C16orf78: variants seen among roughly 807,000 people sequenced by gnomAD.
C16orf78 encodes chromosome 16 open reading frame 78.
In C16orf78, 19 loss-of-function variants were observed where a neutral mutation model predicts 27.3. The observed-to-expected ratio is 0.70, with a 90% confidence interval of 0.49 to 1.02. The LOEUF (loss-of-function observed/expected upper bound fraction) is 1.02. Ranked by LOEUF, C16orf78 falls within the 50% of genes least tolerant of loss-of-function variation. C16orf78 has a pLI of 0.00. For synonymous variants in C16orf78, 130 were observed against 116.1 expected (o/e 1.12, Z -0.77); for missense variants, 339 against 337.0 (o/e 1.01, Z -0.05).
chr16:49,390,231 G>A (rs575333744), intron 3 of C16orf78, among the ~76,000 whole-genome samples: 3 of 152,158 alleles, frequency 2.0e-5, no homozygotes, highest in East Asian at 3.9e-4. Context: ...TATTTCTTGG[G>A]TTTGTATTTG....
At position 49,399,216 on chromosome 16, in the gene C16orf78, A is replaced by G. The variant is rs1965511652; in HGVS notation, c.736A>G (p.Met246Val). ...AGMNVDIHPH[M>V]VEEDIDAKKV... is the part of the protein sequence containing the mutation. Reference sequence around the variant, plus strand: ...AATGAATGTGGATATCCACCCCCACATGGTCGAAGAGGACATAGATGCTAA... The same window carrying G: ...AATGAATGTGGATATCCACCCCCACGTGGTCGAAGAGGACATAGATGCTAA... The change falls in exon 5 of 5, where the codon ATG becomes GTG. Residue 246 changes from methionine to valine, a missense_variant. Transcript: ENST00000299191. 1.2e-6 allele frequency: 2 copies of G among 1,614,058 alleles called. No individual in the cohort carries two copies. Among genetic ancestry groups the G allele is most frequent in the African/African-American group, 1.3e-5 (1 of 74,910 alleles).
At chr16:49,379,164 A>T (rs1225697886) in intron 3 of C16orf78, among the ~76,000 whole-genome samples, 1 of 152,150 alleles carries the variant, frequency 6.6e-6, no homozygotes, top group Non-Finnish European at 1.5e-5. Context: ...AAATGGGACA[A>T]CAACAATACC....
At chr16:49,388,961 G>T (rs1965380714) in intron 3 of C16orf78, among the ~76,000 whole-genome samples, 1 of 152,120 alleles carries the variant, frequency 6.6e-6, no homozygotes. Flanking sequence ...AATAACATGA[G>T]AAAAATTAGA....
At chr16:49,398,392 C>T (rs377527059) in intron 4 of C16orf78, among the ~76,000 whole-genome samples, 31 of 152,322 alleles carry the variant, frequency 2.0e-4, no homozygotes, top group African/African-American at 7.5e-4. Context: ...TCACACAGTA[C>T]AAATGGGATT....
At chr16:49,378,297 C>T (rs1965245237) in intron 2 of C16orf78, among the ~76,000 whole-genome samples, 173 bp from the exon 3 acceptor site, 2 of 152,210 alleles carry the variant, frequency 1.3e-5, no homozygotes, top group Admixed American at 1.3e-4. Flanking sequence ...AGCAAGCACC[C>T]GTGGGCAGAC....
intron 3 of C16orf78, among the ~76,000 whole-genome samples, chr16:49,393,320 G>A (rs1302093090): frequency 6.6e-6 from 1 of 152,166 alleles, no homozygotes; most frequent in Non-Finnish European, 1.5e-5. Context: ...TTAACAAACT[G>A]TAGCTTTACA....
intron 3 of C16orf78, among the ~76,000 whole-genome samples, chr16:49,393,018 A>G (rs1311568583): frequency 3.3e-5 from 5 of 152,208 alleles, no homozygotes; most frequent in Admixed American, 2.6e-4. Flanking sequence ...GCGTGCTGCC[A>G]TGTAAGATGT....
At chr16:49,383,046 C>CT (rs1965307245) in intron 3 of C16orf78, among the ~76,000 whole-genome samples, 1 of 152,270 alleles carries the variant, frequency 6.6e-6, no homozygotes, top group African/African-American at 2.4e-5. Flanking sequence ...CAGTTCCCTT[C>CT]TTTCCACCAT....
At chr16:49,377,286 A>C (rs768448897) in intron 1 of C16orf78, among the ~76,000 whole-genome samples, 1 of 152,132 alleles carries the variant, frequency 6.6e-6, no homozygotes. Context: ...TCCGGGACCA[A>C]GGGAGAGGCC....
At chr16:49,391,693 T>A (rs1288782988) in intron 3 of C16orf78, among the ~76,000 whole-genome samples, 1 of 152,236 alleles carries the variant, frequency 6.6e-6, no homozygotes, top group Non-Finnish European at 1.5e-5. Context: ...GCCTGGTATG[T>A]GAGTCACTCA....
rs772101926 is a variant in C16orf78, at chr16:49,399,217, T to C, written c.737T>C (p.Met246Thr). The C allele has an allele frequency of 2.5e-6, 4 of 1,614,052 alleles. No individual in the cohort carries two copies. The highest frequency in any genetic ancestry group is 3.3e-5 in the Admixed American group (2 of 60,002). The change falls in exon 5 of 5, where the codon ATG becomes ACG. Residue 246 changes from methionine to threonine, a missense_variant. Met to Thr is a moderately conservative substitution (Grantham distance 81). Transcript: ENST00000299191. ...ATGAATGTGGATATCCACCCCCACA[T>C]GGTCGAAGAGGACATAGATGCTAAA... ...AGMNVDIHPHMVEEDIDAKKV... is the reference protein window; with the variant it reads ...AGMNVDIHPHTVEEDIDAKKV...
At chr16:49,391,297 G>T (rs1468964826) in intron 3 of C16orf78, among the ~76,000 whole-genome samples, 1 of 152,154 alleles carries the variant, frequency 6.6e-6, no homozygotes, top group African/African-American at 2.4e-5. Context: ...TTCCCTCCCT[G>T]GGCACCTATG....
chr16:49,376,268 T>C (rs1965216601), intron 1 of C16orf78, among the ~76,000 whole-genome samples: 1 of 152,232 alleles, frequency 6.6e-6, no homozygotes, highest in Non-Finnish European at 1.5e-5. Context: ...TGTGATCCAT[T>C]TGGCATCAGC....
chr16:49,392,196 C>A (rs1457014449), intron 3 of C16orf78, among the ~76,000 whole-genome samples: 1 of 152,146 alleles, frequency 6.6e-6, no homozygotes, highest in Non-Finnish European at 1.5e-5. Context: ...AATCAGCCTG[C>A]CATCAACCTG....
chr16:49,386,422 G>A (rs150836764), intron 3 of C16orf78, among the ~76,000 whole-genome samples: 1 of 152,318 alleles, frequency 6.6e-6, no homozygotes, highest in East Asian at 1.9e-4. Flanking sequence ...ATATTCTACA[G>A]AAGTGATCAT....
Position 49,399,404 on chromosome 16 carries a change from C to T in C16orf78, c.*126C>T. ...TGCATCCCTTTAGAAAGTAAGCAAT[C>T]AGAAAACAAGCCTCGGCTGTGTGAT... On this transcript the variant is annotated 3_prime_UTR_variant, in exon 5 of 5. Coordinates refer to ENST00000299191, the MANE Select transcript of C16orf78 (RefSeq NM_144602.4). 5.1e-6 allele frequency: 6 copies of T among 1,173,974 alleles called. No homozygotes were observed. Among genetic ancestry groups the T allele is most frequent in the Non-Finnish European group, 7.2e-6 (6 of 836,656 alleles). The allele number at this position is 1,173,974 out of a possible 1,614,324, so 72.7% of individuals were successfully genotyped here. A position where few individuals can be genotyped will look rare whatever the true frequency, so the allele number is the denominator to read the frequency against.
At chr16:49,380,761 T>A (rs1596921660) in intron 3 of C16orf78, among the ~76,000 whole-genome samples, 1 of 152,136 alleles carries the variant, frequency 6.6e-6, no homozygotes, top group East Asian at 1.9e-4. Context: ...TTTTTATGGT[T>A]TTAGGTCTAA....
chr16:49,384,481 G>A (rs1025376673), intron 3 of C16orf78, among the ~76,000 whole-genome samples: 3 of 151,264 alleles, frequency 2.0e-5, no homozygotes, highest in Non-Finnish European at 4.4e-5. Flanking sequence ...TTAAAGACAT[G>A]TCATTTGAAA....
chr16:49,388,729 G>C (rs1267080677), intron 3 of C16orf78, among the ~76,000 whole-genome samples: 2 of 152,132 alleles, frequency 1.3e-5, no homozygotes, highest in Non-Finnish European at 2.9e-5. Flanking sequence ...ATCCAGGCTG[G>C]TCTTAAACTC....
Sources: gnomAD v4.1 joint callset for allele counts (sites outside exome capture counted in the v4.1 genomes callset) on GRCh38, gnomAD v4.1.1 for gene constraint, MANE v1.5 for transcripts, NCBI Gene and HGNC (gene_info 2026-07-23, HGNC 2026-07-21) for gene names.